PPM1B: variants seen among roughly 807,000 people sequenced by gnomAD.
PPM1B encodes protein phosphatase 1B.
A neutral mutation model predicts 43.0 loss-of-function variants in PPM1B; 22 were observed. The observed-to-expected ratio is 0.51, with a 90% confidence interval of 0.37 to 0.73. The LOEUF (loss-of-function observed/expected upper bound fraction) is 0.73, where lower values mean the gene tolerates loss of function less well. Ranked by LOEUF, PPM1B falls within the 30% of genes least tolerant of loss-of-function variation. The pLI, the probability that PPM1B is intolerant of heterozygous loss-of-function variation, is 0.00. For synonymous variants in PPM1B, 217 were observed against 197.9 expected, an observed-to-expected ratio of 1.10 and a Z score of -0.81; for missense variants, 632 against 584.2, an observed-to-expected ratio of 1.08 and a Z score of -0.84.
At chr2:44,242,804 A>T (rs1297258885) in intron 5 of PPM1B, among the ~76,000 whole-genome samples, 1 of 152,122 alleles carries the variant, frequency 6.6e-6, no homozygotes, top group African/African-American at 2.4e-5. Flanking sequence ...TTCTGTTTAC[A>T]TATTTATAAT....
In PPM1B at chr2:44,243,237, CA is replaced by C. The variant is rs574837085; in HGVS notation, n.1547-986del. On this transcript the variant is annotated intron_variant and non_coding_transcript_variant, in intron 5 of 5. Coordinates refer to the PPM1B transcript ENST00000378540. ...AGAGTATAAGAGAGCTCTCCTTGGT[CA>C]AAAATATTCCCTTTTACCCTTCATA... Among the ~76,000 whole-genome samples, 1,083 of 152,230 alleles carry C rather than the reference CA, an allele frequency of 7.1e-3. 5 individuals are homozygous for C. The highest frequency in any genetic ancestry group is 0.024 in the South Asian group (118 of 4,824).
chr2:44,216,886 C>G (rs1351651154), intron 3 of PPM1B, among the ~76,000 whole-genome samples: 1 of 141,540 alleles, frequency 7.1e-6, no homozygotes, highest in African/African-American at 2.6e-5. Flanking sequence ...GATAGTGCCA[C>G]TGCACTCCAG....
intron 1 of PPM1B, among the ~76,000 whole-genome samples, chr2:44,173,912 C>T (rs1311571761): frequency 5.3e-5 from 8 of 152,194 alleles, no homozygotes; most frequent in African/African-American, 1.9e-4. Context: ...CACTGCACTC[C>T]AGATTGGGCG....
chr2:44,183,606 G>A (rs1284162774), intron 1 of PPM1B, among the ~76,000 whole-genome samples: 3 of 152,204 alleles, frequency 2.0e-5, no homozygotes, highest in African/African-American at 4.8e-5. Context: ...TATTACATAA[G>A]TACATTGAAG....
At chr2:44,199,996 A>T (rs748650738) in intron 1 of PPM1B, among the ~76,000 whole-genome samples, 8 of 152,194 alleles carry the variant, frequency 5.3e-5, no homozygotes, top group Non-Finnish European at 1.2e-4. Flanking sequence ...GATCTAGACC[A>T]GTGTCTCTCA....
In PPM1B at chr2:44,230,804, A is replaced by G; in HGVS notation, c.*86A>G. ...TATGCATTTATATAACTGTTTTGTT[A>G]TTTGAATCTTGGAAAACTAGTTTTA... On this transcript the variant is annotated 3_prime_UTR_variant, in exon 6 of 6. Coordinates refer to ENST00000282412, the MANE Select transcript of PPM1B (RefSeq NM_002706.6). 1 of 1,503,086 alleles carries G rather than the reference A, an allele frequency of 6.7e-7. No individual in the cohort carries two copies. The highest frequency in any genetic ancestry group is 8.9e-7 in the Non-Finnish European group (1 of 1,127,222). 93.1% of individuals were successfully genotyped at this position (1,503,086 alleles called of 1,614,324 possible). A position where few individuals can be genotyped will look rare whatever the true frequency, so the allele number is the denominator to read the frequency against.
chr2:44,174,771 G>T (rs145755565), intron 1 of PPM1B, among the ~76,000 whole-genome samples: 1 of 152,222 alleles, frequency 6.6e-6, no homozygotes, highest in African/African-American at 2.4e-5. Context: ...GGTATCAAGA[G>T]CACTCCTCGC....
At chr2:44,170,076 CAG>C (rs1460777332) in intron 1 of PPM1B, among the ~76,000 whole-genome samples, 1 of 152,152 alleles carries the variant, frequency 6.6e-6, no homozygotes, top group African/African-American at 2.4e-5. Flanking sequence ...ATGAAGGACT[CAG>C]TGAGTGTTGG....
At chr2:44,218,236 A>C (rs1669816124) in intron 4 of PPM1B, among the ~76,000 whole-genome samples, 158 bp downstream of exon 4, 1 of 152,162 alleles carries the variant, frequency 6.6e-6, no homozygotes, top group South Asian at 2.1e-4. Context: ...TCAACCAAAA[A>C]CGATTTTTTA....
chr2:44,246,361 TC>T (rs1397801104), downstream of PPM1B, among the ~76,000 whole-genome samples: 1 of 152,232 alleles, frequency 6.6e-6, no homozygotes. Flanking sequence ...TATTAAGTTT[TC>T]TTGGGTAAAA....
chr2:44,192,723 C>T (rs1036685222), intron 1 of PPM1B, among the ~76,000 whole-genome samples: 51 of 152,324 alleles, frequency 3.3e-4, no homozygotes, highest in Admixed American at 2.9e-3. Context: ...CCCCATTTTG[C>T]ACCACCCTCC....
At chr2:44,173,052 C>T (rs1331668088) in intron 1 of PPM1B, among the ~76,000 whole-genome samples, 2 of 152,346 alleles carry the variant, frequency 1.3e-5, no homozygotes, top group African/African-American at 4.8e-5. Context: ...TGGTGGCTCA[C>T]GCCCATAATC....
At position 44,201,978 on chromosome 2, in the gene PPM1B, C is replaced by G. The variant is rs1230882900; in HGVS notation, c.779C>G (p.Ser260Cys). Residue 260 changes from serine to cysteine, a missense_variant, in exon 2 of 6, where the codon TCT (serine) becomes TGT (cysteine). By Grantham distance (112) the Ser-to-Cys change is moderately radical (BLOSUM62 -1). This residue lies in a region of PPM1B where 392 missense variants were observed against 302.7 expected (regional missense o/e 1.29). Transcript: ENST00000282412. This position sits in a 1 kb window ranked among gnomAD's most constrained non-coding sequence, Gnocchi z 5.4. ...GAGGAGCTCTGTGAATATGTTAAAT[C>G]TAGGCTTGAGGTATCTGATGACCTG... ...SNEELCEYVK[S>C]RLEVSDDLEN... is the part of the protein sequence containing the mutation. 2 of 1,613,782 alleles carry G rather than the reference C, an allele frequency of 1.2e-6. No homozygotes were observed. Among genetic ancestry groups the G allele is most frequent in the Non-Finnish European group, 1.7e-6 (2 of 1,179,850 alleles).
intron 3 of PPM1B, among the ~76,000 whole-genome samples, chr2:44,211,170 A>G (rs962725801): frequency 3.9e-5 from 6 of 152,138 alleles, no homozygotes; most frequent in African/African-American, 7.2e-5. Flanking sequence ...CGTTGATACA[A>G]TATTACTTTG....
At position 44,201,347 on chromosome 2, in the gene PPM1B, T is replaced by G; in HGVS notation, c.148T>G (p.Leu50Val). 5 of 1,614,116 alleles carry G rather than the reference T, an allele frequency of 3.1e-6. No individual in the cohort carries two copies. Among genetic ancestry groups the G allele is most frequent in the Non-Finnish European group, 4.2e-6 (5 of 1,180,006 alleles). The change falls in exon 2 of 6, where the codon TTG becomes GTG. Residue 50 changes from leucine to valine, a missense_variant. By Grantham distance (32) the Leu-to-Val change is conservative. This residue lies in a region of PPM1B where 200 missense variants were observed against 200.7 expected (regional missense o/e 1.00). Coordinates refer to ENST00000282412, the MANE Select transcript of PPM1B (RefSeq NM_002706.6). The surrounding 1 kb of genome is among the most constrained non-coding windows in gnomAD (Gnocchi z 5.4). ...AGCTGTTGTAGGTATTCCTCACGGC[T>G]TGGAAGACTGGTCATTTTTTGCAGT... ...HTAVVGIPHG[L>V]EDWSFFAVYD... is the part of the protein sequence containing the mutation.
chr2:44,219,402 C>T (rs1158575662), intron 5 of PPM1B, among the ~76,000 whole-genome samples: 4 of 152,142 alleles, frequency 2.6e-5, no homozygotes, highest in Admixed American at 1.3e-4. Context: ...AGAGAGTATC[C>T]ATTGGCTAGA....
chr2:44,233,997 G>T (rs1670541679), downstream of PPM1B: 5 of 984,714 alleles, frequency 5.1e-6, no homozygotes, highest in Non-Finnish European at 6.0e-6. Flanking sequence ...ATGATATTGT[G>T]ATGTTTCATA....
At chr2:44,199,965 A>G (rs1001209004) in intron 1 of PPM1B, among the ~76,000 whole-genome samples, 15 of 152,208 alleles carry the variant, frequency 9.9e-5, no homozygotes. Flanking sequence ...AAAGATACGT[A>G]GACCCAAATG....
intron 3 of PPM1B, among the ~76,000 whole-genome samples, chr2:44,215,132 C>G (rs1317527481): frequency 6.6e-6 from 1 of 152,044 alleles, no homozygotes; most frequent in African/African-American, 2.4e-5. Context: ...TATTATTAAT[C>G]AGGAGACAAA....
Sources: gnomAD v4.1 joint callset for allele counts (sites outside exome capture counted in the v4.1 genomes callset) on GRCh38, gnomAD v4.1.1 for gene constraint, gnomAD v4.1.1 regional missense constraint, Gnocchi (gnomAD v3.1) non-coding constraint, MANE v1.5 for transcripts, NCBI Gene and HGNC (gene_info 2026-07-23, HGNC 2026-07-21) for gene names.